Variants in RNF139 observed in about 807,000 individuals in gnomAD.
RNF139 encodes ring finger protein 139.
A neutral mutation model predicts 49.5 loss-of-function variants in RNF139; 15 were observed. That is an observed-to-expected ratio of 0.30 (90% CI 0.20 to 0.47). The LOEUF is 0.47. Among genes scored for constraint, RNF139 ranks in the 20% least tolerant of loss-of-function variants. RNF139 has a pLI of 1.00. For missense variants in RNF139, 619 were observed against 806.3 expected, an observed-to-expected ratio of 0.77 and a Z score of 2.81; for synonymous variants, 325 against 300.9, an observed-to-expected ratio of 1.08 and a Z score of -0.83.
intron 1 of RNF139, among the ~76,000 whole-genome samples, chr8:124,484,547 A>G (rs915749045): frequency 6.6e-6 from 1 of 152,182 alleles, no homozygotes; most frequent in Non-Finnish European, 1.5e-5. Context: ...CAACTGAAAT[A>G]GCAAATCACA....
At position 124,474,978 on chromosome 8, in the gene RNF139, C is replaced by T. The variant is rs576163304; in HGVS notation, c.-132C>T. On this transcript the variant is annotated 5_prime_UTR_variant, in exon 1 of 2. Coordinates refer to ENST00000303545, the MANE Select transcript of RNF139 (RefSeq NM_007218.4). This position sits in a 1 kb window ranked among gnomAD's most constrained non-coding sequence, Gnocchi z 4.6. ...GACGCGAGCGGGCGGCGGGGCTGGCCGTGAGAGAGACAGGAGAGGAAGGAG... is the reference window on the plus strand; with the variant it reads ...GACGCGAGCGGGCGGCGGGGCTGGCTGTGAGAGAGACAGGAGAGGAAGGAG... 2.1e-5 allele frequency: 11 copies of T among 514,726 alleles called. No homozygotes were observed. The East Asian group carries it at 3.0e-4, about 14-fold the overall frequency. The allele number at this position is 514,726 out of a possible 1,614,324, so 31.9% of individuals were successfully genotyped here.
At chr8:124,482,606 C>T (rs900315123) in intron 1 of RNF139, among the ~76,000 whole-genome samples, 4 of 151,772 alleles carry the variant, frequency 2.6e-5, no homozygotes, top group Admixed American at 2.6e-4. Flanking sequence ...TTCTTGTTAC[C>T]TTCCATGGAA....
chr8:124,483,899 T>C (rs1001298614), intron 1 of RNF139, among the ~76,000 whole-genome samples: 1 of 152,196 alleles, frequency 6.6e-6, no homozygotes, highest in African/African-American at 2.4e-5. Flanking sequence ...GTACTTATTT[T>C]GTACAAAATA....
intron 1 of RNF139, 36 bp from the exon 2 acceptor site, chr8:124,485,795 A>T (rs1218640996): frequency 6.7e-7 from 1 of 1,496,460 alleles, no homozygotes; most frequent in Non-Finnish European, 9.1e-7. Context: ...TCTTACAAAT[A>T]CTTCATTCAA....
At chr8:124,475,785 G>T (rs1440805407) in intron 1 of RNF139, among the ~76,000 whole-genome samples, 1 of 152,220 alleles carries the variant, frequency 6.6e-6, no homozygotes, top group African/African-American at 2.4e-5. Context: ...TGACATCCAA[G>T]CGAAGGAGAC....
chr8:124,483,983 T>C (rs72713064), intron 1 of RNF139, among the ~76,000 whole-genome samples: 12,630 of 152,184 alleles, frequency 0.083, 802 homozygotes, highest in South Asian at 0.29. Flanking sequence ...GGGTAGATTA[T>C]ACTTAGATAA....
In RNF139 at chr8:124,486,491, T is replaced by TA; in HGVS notation, c.844dup (p.Ile282AsnfsTer2). ...TTTTGGGACCTCATTTGCAATCTTA[T>TA]AATTAGTGGGTGCGATTCTACACTA... On this transcript the variant is annotated frameshift_variant, in exon 2 of 2. Coordinates refer to ENST00000303545, the MANE Select transcript of RNF139 (RefSeq NM_007218.4). LOFTEE classifies it high-confidence loss of function. The TA allele has an allele frequency of 6.2e-7, 1 of 1,614,146 alleles. No homozygotes were observed. Among genetic ancestry groups the TA allele is most frequent in the Non-Finnish European group, 8.5e-7 (1 of 1,179,970 alleles).
At position 124,486,995 on chromosome 8, in the gene RNF139, A is replaced by G; in HGVS notation, c.1346A>G (p.Tyr449Cys). The change falls in exon 2 of 2, where the codon TAC becomes TGC. Residue 449 changes from tyrosine (Y) to cysteine (C), a missense_variant. Tyr to Cys is a radical substitution (Grantham distance 194). Transcript: ENST00000303545. The part of the protein sequence containing the change: ...TVYTLFMIDG[Y>C]YNVLWEKLDD... ...TATACGTTATTCATGATTGATGGCTACTATAATGTCCTCTGGGAAAAGCTT... is the reference window on the plus strand; with the variant it reads ...TATACGTTATTCATGATTGATGGCTGCTATAATGTCCTCTGGGAAAAGCTT... The G allele has an allele frequency of 6.2e-7, 1 of 1,614,030 alleles. No homozygotes were observed. Among genetic ancestry groups the G allele is most frequent in the Non-Finnish European group, 8.5e-7 (1 of 1,179,964 alleles).
At chr8:124,484,804 A>T (rs369130880) in intron 1 of RNF139, among the ~76,000 whole-genome samples, 1 of 152,162 alleles carries the variant, frequency 6.6e-6, no homozygotes, top group African/African-American at 2.4e-5. Context: ...TCTGAGTGTT[A>T]CTTTTGTAAT....
chr8:124,485,661 CT>C (rs1249406066), intron 1 of RNF139, among the ~76,000 whole-genome samples, 169 bp from the exon 2 acceptor site: 1 of 152,132 alleles, frequency 6.6e-6, no homozygotes. Flanking sequence ...CTCCTGAACT[CT>C]GACTTTACAA....
At position 124,475,206 on chromosome 8, in the gene RNF139, A is replaced by G. The variant is rs747777638; in HGVS notation, c.97A>G (p.Ile33Val). Residue 33 changes from isoleucine (I) to valine (V), a missense_variant, in exon 1 of 2, where the codon ATC becomes GTC. Coordinates refer to ENST00000303545, the MANE Select transcript of RNF139 (RefSeq NM_007218.4). The stretch of plus-strand genomic sequence containing the variant: ...GGCGCTCCGGGTGCCCTGCCTTTAC[A>G]TCATCGACGCCATCTTCAACTCCTA... ...EVALRVPCLYIIDAIFNSYPD... is the reference protein window; with the variant it reads ...EVALRVPCLYVIDAIFNSYPD... 4.3e-6 allele frequency: 7 copies of G among 1,613,850 alleles called. No homozygotes were observed. Among genetic ancestry groups the G allele is most frequent in the African/African-American group, 1.3e-5 (1 of 74,892 alleles).
chr8:124,475,546 G>C (rs1351817848), intron 1 of RNF139, among the ~76,000 whole-genome samples: 1 of 152,238 alleles, frequency 6.6e-6, no homozygotes, highest in Non-Finnish European at 1.5e-5. Context: ...GGATGTGTGA[G>C]CATGCAGCTC....
At chr8:124,478,215 T>TA (rs1241740713) in intron 1 of RNF139, among the ~76,000 whole-genome samples, 3 of 151,338 alleles carry the variant, frequency 2.0e-5, no homozygotes, top group African/African-American at 7.3e-5. Context: ...CAATTCACAA[T>TA]AAACAAAATG....
At chr8:124,483,956 T>C (rs894008022) in intron 1 of RNF139, among the ~76,000 whole-genome samples, 3 of 152,166 alleles carry the variant, frequency 2.0e-5, no homozygotes, top group African/African-American at 7.2e-5. Context: ...CTTTCTGTTA[T>C]AGATACATGT....
At position 124,488,449 on chromosome 8, in the gene RNF139, A is replaced by G. The variant is rs1816595227; in HGVS notation, c.*805A>G. ...AACATCCTGATCTGATTTTACGAGA[A>G]AAAGAAGGGGAATGGTGGGGAATGG... On this transcript the variant is annotated 3_prime_UTR_variant, in exon 2 of 2. Transcript: ENST00000303545. 2.1e-6 allele frequency: 1 copy of G among 482,020 alleles called. No individual in the cohort carries two copies. The highest frequency in any genetic ancestry group is 4.1e-5 in the Admixed American group (1 of 24,162). 29.9% of individuals were successfully genotyped at this position (482,020 alleles called of 1,614,324 possible).
intron 1 of RNF139, among the ~76,000 whole-genome samples, chr8:124,477,735 G>A (rs1481965512): frequency 6.6e-6 from 1 of 152,072 alleles, no homozygotes; most frequent in African/African-American, 2.4e-5. Flanking sequence ...AATACTAAAC[G>A]AAACTCAACC....
Position 124,474,939 on chromosome 8 carries a change from G to A in RNF139, c.-171G>A. ...TCGGCCATCGCTGCCTCCGCCGCCT[G>A]CTCCACCTCGAGGGACGCGAGCGGG... On this transcript the variant is annotated 5_prime_UTR_variant, in exon 1 of 2. Transcript: ENST00000303545. The surrounding 1 kb of genome is among the most constrained non-coding windows in gnomAD (Gnocchi z 4.6). 2.7e-6 allele frequency: 1 copy of A among 376,092 alleles called. No individual in the cohort carries two copies. Among genetic ancestry groups the A allele is most frequent in the East Asian group, 4.6e-5 (1 of 21,738 alleles). 23.3% of individuals were successfully genotyped at this position (376,092 alleles called of 1,614,324 possible).
In RNF139 at chr8:124,475,291, G is replaced by A. The variant is rs1256131999; in HGVS notation, c.181+1G>A. On this transcript the variant is annotated splice_donor_variant, in intron 1 of 1. Coordinates refer to ENST00000303545, the MANE Select transcript of RNF139 (RefSeq NM_007218.4). LOFTEE classifies it high-confidence loss of function. ...CTCCAGATCTTCCTCCGGCTCTTTGGTAAGGGAACAGGGTACCGTACGTCC... is the reference window on the plus strand; with the variant it reads ...CTCCAGATCTTCCTCCGGCTCTTTGATAAGGGAACAGGGTACCGTACGTCC... 1 of 1,612,382 alleles carries A rather than the reference G, an allele frequency of 6.2e-7. No homozygotes were observed. The highest frequency in any genetic ancestry group is 8.5e-7 in the Non-Finnish European group (1 of 1,179,094).
chr8:124,478,335 G>T (rs1816345491), intron 1 of RNF139, among the ~76,000 whole-genome samples: 1 of 151,956 alleles, frequency 6.6e-6, no homozygotes, highest in Non-Finnish European at 1.5e-5. Context: ...ATACTGTCAA[G>T]ACCGCTTACG....
Sources: allele counts gnomAD v4.1 joint callset (sites outside exome capture counted in the v4.1 genomes callset), GRCh38; gene constraint gnomAD v4.1.1; non-coding constraint Gnocchi (gnomAD v3.1); transcripts MANE v1.5; gene names NCBI Gene and HGNC (gene_info 2026-07-23, HGNC 2026-07-21).